Variants in MYO1E observed in about 807,000 individuals in gnomAD.
MYO1E encodes the protein unconventional myosin-Ie.
Under a neutral mutation model 151.1 loss-of-function variants are expected in MYO1E, and 68 were observed. That is an observed-to-expected ratio of 0.45 (90% CI 0.37 to 0.55). MYO1E has a LOEUF of 0.55. Among genes scored for constraint, MYO1E ranks in the 20% least tolerant of loss-of-function variants. MYO1E has a pLI of 0.00. For missense variants in MYO1E, 1,363 were observed against 1,389.3 expected, an observed-to-expected ratio of 0.98 and a Z score of 0.30; for synonymous variants, 601 against 501.7, an observed-to-expected ratio of 1.20 and a Z score of -2.64.
intron 24 of MYO1E, among the ~76,000 whole-genome samples, chr15:59,160,766 G>A (rs2079533783): frequency 6.6e-6 from 1 of 151,974 alleles, no homozygotes; most frequent in South Asian, 2.1e-4. Context: ...TGGTATTGTG[G>A]ACAAGATCTG....
At chr15:59,171,804 C>T in intron 22 of MYO1E, 93 bp downstream of exon 22, 2 of 1,534,362 alleles carry the variant, frequency 1.3e-6, no homozygotes, top group South Asian at 2.3e-5. Context: ...AGCTGGGAAG[C>T]CCAGCCCGGC....
chr15:59,255,581 T>A (rs1485944363), intron 4 of MYO1E, among the ~76,000 whole-genome samples: 1 of 152,066 alleles, frequency 6.6e-6, no homozygotes, highest in Non-Finnish European at 1.5e-5. Context: ...ATAAGCAGAA[T>A]TTTAAAAGCA....
At chr15:59,372,007 G>A (rs1431235226) in intron 1 of MYO1E, among the ~76,000 whole-genome samples, 1 of 149,826 alleles carries the variant, frequency 6.7e-6, no homozygotes, top group Non-Finnish European at 1.5e-5. Context: ...TGCGGGCGCT[G>A]CCGGGCAGCG....
At chr15:59,366,823 G>A (rs561577097) in intron 1 of MYO1E, among the ~76,000 whole-genome samples, 2 of 152,150 alleles carry the variant, frequency 1.3e-5, no homozygotes, top group East Asian at 3.9e-4. Flanking sequence ...TACAGAATGT[G>A]CTTATAAGGC....
intron 17 of MYO1E, among the ~76,000 whole-genome samples, chr15:59,191,354 G>C (rs1057094875): frequency 4.0e-5 from 6 of 150,874 alleles, no homozygotes; most frequent in Non-Finnish European, 7.4e-5. Context: ...GAGAGAGAGA[G>C]AGAGAGAGAG....
At chr15:59,295,249 A>G (rs1467530108) in intron 1 of MYO1E, among the ~76,000 whole-genome samples, 5 of 152,018 alleles carry the variant, frequency 3.3e-5, no homozygotes, top group African/African-American at 1.2e-4. Flanking sequence ...ATTGGGAGAG[A>G]GGAGGAAAAA....
intron 22 of MYO1E, among the ~76,000 whole-genome samples, chr15:59,169,897 C>A (rs938334228): frequency 6.6e-6 from 1 of 152,136 alleles, no homozygotes; most frequent in Non-Finnish European, 1.5e-5. Context: ...CGGTGGCTCA[C>A]GCCTCTAATC....
intron 15 of MYO1E, among the ~76,000 whole-genome samples, 185 bp downstream of exon 15, chr15:59,205,215 T>C (rs761222869): frequency 2.6e-5 from 4 of 152,174 alleles, no homozygotes; most frequent in South Asian, 2.1e-4. Flanking sequence ...GCAGTGGCTA[T>C]TGACAGGAGT....
At chr15:59,292,752 G>A (rs1183931422) in intron 1 of MYO1E, among the ~76,000 whole-genome samples, 4 of 152,312 alleles carry the variant, frequency 2.6e-5, no homozygotes, top group African/African-American at 7.2e-5. Flanking sequence ...ACAAGACCGC[G>A]AAATGAGCGT....
intron 9 of MYO1E, among the ~76,000 whole-genome samples, chr15:59,221,733 G>C (rs74020306): frequency 0.02 from 2,994 of 152,194 alleles, 83 homozygotes; most frequent in Admixed American, 0.054. Context: ...ACTAACTCTG[G>C]ACATCAATGT....
At chr15:59,331,548 G>A (rs111893209) in intron 1 of MYO1E, among the ~76,000 whole-genome samples, 174 of 152,240 alleles carry the variant, frequency 1.1e-3, no homozygotes, top group South Asian at 4.8e-3. Context: ...CCTAGAGATC[G>A]CAATCAACTT....
Position 59,160,932 on chromosome 15 carries a change from T to C in MYO1E, c.2785+141A>G, listed in dbSNP as rs891125146. 4.9e-5 allele frequency: 58 copies of C among 1,190,358 alleles called. 2 individuals are homozygous for C. The South Asian group carries it at 6.2e-4, about 13-fold the overall frequency. The allele number at this position is 1,190,358 out of a possible 1,614,324, so 73.7% of individuals were successfully genotyped here. On this transcript the variant is annotated intron_variant, in intron 24 of 27. Coordinates refer to ENST00000288235, the MANE Select transcript of MYO1E (RefSeq NM_004998.4). ...TGTTGCTTTAGTTTGAAATGTTCCA[T>C]TCTGAAGAAAGCGTGAGCCCCAGCA...
At chr15:59,341,350 C>T (rs1413483875) in intron 1 of MYO1E, 1 of 152,002 alleles carries the variant, frequency 6.6e-6, no homozygotes, top group African/African-American at 2.4e-5. Context: ...GCATGACATC[C>T]TTGCTCAGGA....
intron 17 of MYO1E, among the ~76,000 whole-genome samples, chr15:59,192,526 T>C (rs1432935691): frequency 1.3e-5 from 2 of 152,044 alleles, no homozygotes. Flanking sequence ...GAGGAGGGTG[T>C]GCTAGGGGGC....
Position 59,174,277 on chromosome 15 carries a change from C to T in MYO1E, c.2050-37G>A, listed in dbSNP as rs774416068. The stretch of plus-strand genomic sequence containing the variant: ...GAGAAGACAAATGTGAGCCAAGCCC[C>T]AAGCCCCAATCCCTGAACAACACTT... On this transcript the variant is annotated intron_variant, in intron 19 of 27. Coordinates refer to ENST00000288235, the MANE Select transcript of MYO1E (RefSeq NM_004998.4). 3.4e-6 allele frequency: 5 copies of T among 1,459,486 alleles called. No individual in the cohort carries two copies. The South Asian group carries it at 4.5e-5, about 13-fold the overall frequency. 90.4% of individuals were successfully genotyped at this position (1,459,486 alleles called of 1,614,324 possible).
chr15:59,314,279 C>A (rs1158633781), intron 1 of MYO1E, among the ~76,000 whole-genome samples: 1 of 152,226 alleles, frequency 6.6e-6, no homozygotes, highest in Non-Finnish European at 1.5e-5. Flanking sequence ...CTATTTCACA[C>A]AATGCTGGAG....
rs10400859 is a variant in MYO1E, at chr15:59,347,477, A to G, written c.3+25021T>C. Among the ~76,000 whole-genome samples, 1,127 of 152,340 alleles carry G rather than the reference A, an allele frequency of 7.4e-3. 15 individuals carry two copies. The highest frequency in any genetic ancestry group is 0.026 in the African/African-American group (1,093 of 41,574). ...AGATTTTCTTATGGAACTTTGACAC[A>G]TTGATTCTAAATTTTATCTGGAAGA... On this transcript the variant is annotated intron_variant, in intron 1 of 27. Transcript: ENST00000288235.
intron 26 of MYO1E, among the ~76,000 whole-genome samples, chr15:59,151,449 C>A (rs1439324964): frequency 6.6e-6 from 1 of 151,870 alleles, no homozygotes; most frequent in Non-Finnish European, 1.5e-5. Flanking sequence ...AAAACCCCCC[C>A]CAAAAAAACC....
chr15:59,142,629 T>C (rs1467489411), intron 26 of MYO1E, among the ~76,000 whole-genome samples: 1 of 152,114 alleles, frequency 6.6e-6, no homozygotes, highest in Non-Finnish European at 1.5e-5. Context: ...TTCTCTCTGC[T>C]CTTGGAAAAA....
Sources: allele counts gnomAD v4.1 joint callset (sites outside exome capture counted in the v4.1 genomes callset), GRCh38; gene constraint gnomAD v4.1.1; transcripts MANE v1.5; gene names NCBI Gene and HGNC (gene_info 2026-07-23, HGNC 2026-07-21).